SLC25A53: variants seen among roughly 807,000 people sequenced by gnomAD.
SLC25A53 encodes the protein solute carrier family 25 member 53.
A neutral mutation model predicts 15.0 loss-of-function variants in SLC25A53; 5 were observed. That is an observed-to-expected ratio of 0.33 (90% CI 0.17 to 0.70). SLC25A53 has a LOEUF of 0.70. Among genes scored for constraint, SLC25A53 ranks in the 30% least tolerant of loss-of-function variants. SLC25A53 has a pLI of 0.67. For missense variants in SLC25A53, 216 were observed against 241.6 expected (o/e 0.89, Z 0.70); for synonymous variants, 95 against 100.0 (o/e 0.95, Z 0.30).
At chrX:104,153,259 TA>T (rs1429667157) in intron 1 of SLC25A53, among the ~76,000 whole-genome samples, 2,332 of 51,958 alleles carry the variant, frequency 0.045, 72 homozygotes, top group African/African-American at 0.15. Flanking sequence ...TATATATATA[TA>T]TATTTTTTTT....
rs2075273168 is a variant in SLC25A53, at chrX:104,099,768, G to A, written c.*4566C>T. The A allele has an allele frequency of 8.9e-6, 1 of 111,952 alleles. No individual in the cohort carries two copies. Among genetic ancestry groups the A allele is most frequent in the Non-Finnish European group, 1.9e-5 (1 of 53,175 alleles). 9.2% of individuals were successfully genotyped at this position (111,952 alleles called of 1,213,427 possible). A position where few individuals can be genotyped will look rare whatever the true frequency, so the allele number is the denominator to read the frequency against. ...GGTGTCATCAGTGGTGGGGGGAGAA[G>A]AGTAGGTTATTAAAGGGCTCTATTT... On this transcript the variant is annotated 3_prime_UTR_variant, in exon 2 of 2. Coordinates refer to ENST00000594199, the MANE Select transcript of SLC25A53 (RefSeq NM_001012755.5).
chrX:104,122,317 G>GTTT (rs200042372), intron 1 of SLC25A53, among the ~76,000 whole-genome samples: 3 of 75,328 alleles, frequency 4.0e-5, no homozygotes, highest in Non-Finnish European at 7.3e-5. Flanking sequence ...TTTTTTTTTT[G>GTTT]TTTTTTTTTT....
intron 1 of SLC25A53, among the ~76,000 whole-genome samples, chrX:104,143,466 C>G (rs1428722991): frequency 9.0e-6 from 1 of 111,585 alleles, no homozygotes; most frequent in Non-Finnish European, 1.9e-5. Context: ...ACACAAGTTT[C>G]AATAGCCAAA....
rs1556353785 is a variant in SLC25A53 at position 104,103,592 on chromosome X, T to C, written c.*742A>G. 4.5e-5 allele frequency: 5 copies of C among 112,152 alleles called. No individual in the cohort carries two copies. Among genetic ancestry groups the C allele is most frequent in the Admixed American group, 3.8e-4 (4 of 10,581 alleles). The allele number at this position is 112,152 out of a possible 1,213,427, so 9.2% of individuals were successfully genotyped here. Reference sequence around the variant, plus strand: ...CTCAAACGGTTTCTAGGCAATGTTATCACCTTGCTCTCAGAAATGTCCTAG... The same window carrying C: ...CTCAAACGGTTTCTAGGCAATGTTACCACCTTGCTCTCAGAAATGTCCTAG... On this transcript the variant is annotated 3_prime_UTR_variant, in exon 2 of 2. Transcript: ENST00000594199.
intron 1 of SLC25A53, among the ~76,000 whole-genome samples, chrX:104,126,299 T>A (rs1366047332): frequency 9.1e-6 from 1 of 109,386 alleles, no homozygotes; most frequent in Non-Finnish European, 1.9e-5. Flanking sequence ...AAAGCACTTG[T>A]TAGGAGGAGA....
chrX:104,140,663 A>T (rs1205188543), intron 1 of SLC25A53, among the ~76,000 whole-genome samples: 3 of 111,562 alleles, frequency 2.7e-5, no homozygotes, highest in Non-Finnish European at 3.8e-5. Flanking sequence ...CAGTAGAGGA[A>T]ATTGGAAGTC....
In SLC25A53 at chrX:104,132,451, A is replaced by G. The variant is rs782227337; in HGVS notation, c.-32+24427T>C. On this transcript the variant is annotated intron_variant, in intron 1 of 1. Coordinates refer to ENST00000594199, the MANE Select transcript of SLC25A53 (RefSeq NM_001012755.5). ...AAAACTGCCTTTATCAAGCCTCATC[A>G]TCTGGATCTCACATCCAGATTGTGT... is the stretch of plus-strand genomic sequence containing the variant. Among the ~76,000 whole-genome samples, 4 of 112,229 alleles carry G rather than the reference A, an allele frequency of 3.6e-5. No individual in the cohort carries two copies. In the East Asian group the frequency reaches 1.1e-3, roughly 32 times the overall value.
intron 1 of SLC25A53, among the ~76,000 whole-genome samples, chrX:104,121,286 ATTT>A (rs2075392075): frequency 8.9e-6 from 1 of 112,219 alleles, no homozygotes; most frequent in Admixed American, 9.4e-5. Flanking sequence ...AAATCCAATT[ATTT>A]ACTTGTATCC....
At chrX:104,129,860 A>ATGTGTGTGTGTGTG (rs60729916) in intron 1 of SLC25A53, among the ~76,000 whole-genome samples, 13 of 89,982 alleles carry the variant, frequency 1.4e-4, no homozygotes, top group South Asian at 6.3e-4. Context: ...ACACAAATGT[A>ATGTGTGTGTGTGTG]TGTGTGTGTG....
chrX:104,156,904 C>T lies in SLC25A53; in HGVS notation c.-58G>A. On this transcript the variant is annotated 5_prime_UTR_variant, in exon 1 of 2. Transcript: ENST00000594199. The stretch of plus-strand genomic sequence containing the variant: ...TCCGCCTCGCTCGCTGTCATGGCGG[C>T]GACCGACGGCCCCTTTCCTGTGGCC... 8.8e-6 allele frequency: 1 copy of T among 113,918 alleles called. No homozygotes were observed. The highest frequency in any genetic ancestry group is 1.9e-5 in the Non-Finnish European group (1 of 53,509). 9.4% of individuals were successfully genotyped at this position (113,918 alleles called of 1,213,427 possible). A position where few individuals can be genotyped will look rare whatever the true frequency, so the allele number is the denominator to read the frequency against.
Position 104,100,457 on chromosome X carries a change from A to G in SLC25A53, c.*3877T>C, listed in dbSNP as rs1556352034. On this transcript the variant is annotated 3_prime_UTR_variant, in exon 2 of 2. Transcript: ENST00000594199. ...AATATCAGAAAACATAGCTCCATTA[A>G]CATCACTAAACTAAATATTAACATT... 1.8e-5 allele frequency: 2 copies of G among 111,896 alleles called. No individual in the cohort carries two copies. Among genetic ancestry groups the G allele is most frequent in the African/African-American group, 6.5e-5 (2 of 30,883 alleles). The allele number at this position is 111,896 out of a possible 1,213,427, so 9.2% of individuals were successfully genotyped here. A position where few individuals can be genotyped will look rare whatever the true frequency, so the allele number is the denominator to read the frequency against.
chrX:104,128,077 C>T (rs1229068455), intron 1 of SLC25A53, among the ~76,000 whole-genome samples: 1 of 111,921 alleles, frequency 8.9e-6, no homozygotes, highest in Non-Finnish European at 1.9e-5. Context: ...AGCTGTCTTC[C>T]GTGCACAGCT....
At chrX:104,105,984 T>A (rs1473676254) in intron 1 of SLC25A53, among the ~76,000 whole-genome samples, 1 of 111,938 alleles carries the variant, frequency 8.9e-6, no homozygotes, top group Non-Finnish European at 1.9e-5. Context: ...GCTATTGACA[T>A]TTTGGGCAGG....
chrX:104,153,056 G>A (rs1004113892), intron 1 of SLC25A53, among the ~76,000 whole-genome samples: 1 of 110,760 alleles, frequency 9.0e-6, no homozygotes, highest in Non-Finnish European at 1.9e-5. Flanking sequence ...TCTGTTTAGG[G>A]CCACCCCCTA....
At chrX:104,139,695 T>A (rs2075445932) in intron 1 of SLC25A53, among the ~76,000 whole-genome samples, 1 of 111,229 alleles carries the variant, frequency 9.0e-6, no homozygotes, top group African/African-American at 3.3e-5. Flanking sequence ...GTGCCTGTAC[T>A]CCCAGCTACT....
At position 104,150,100 on chromosome X, in the gene SLC25A53, G is replaced by A. The variant is rs181677199; in HGVS notation, c.-32+6778C>T. 8.3e-3 allele frequency among the ~76,000 whole-genome samples: 909 copies of A among 109,205 alleles called. 5 individuals are homozygous for A. Among genetic ancestry groups the A allele is most frequent in the African/African-American group, 0.029 (865 of 29,910 alleles). The allele number at this position is 109,205 out of a possible 115,157, so 94.8% of individuals were successfully genotyped here. ...ATACAAAAATTAGCCAGGTGTAGTG[G>A]CACACACCTGTAGTCCCAGCTACTT... On this transcript the variant is annotated intron_variant, in intron 1 of 1. Coordinates refer to ENST00000594199, the MANE Select transcript of SLC25A53 (RefSeq NM_001012755.5).
At chrX:104,123,020 AAATG>A (rs1264726958) in intron 1 of SLC25A53, among the ~76,000 whole-genome samples, 1 of 112,184 alleles carries the variant, frequency 8.9e-6, no homozygotes, top group Non-Finnish European at 1.9e-5. Context: ...GGTAAGAATT[AAATG>A]AATGAACACT....
intron 1 of SLC25A53, among the ~76,000 whole-genome samples, chrX:104,106,988 C>T (rs2075314370): frequency 1.9e-5 from 2 of 104,841 alleles, no homozygotes; most frequent in Admixed American, 2.0e-4. Context: ...ATCCATATCC[C>T]CACAATCTCA....
chrX:104,135,909 A>G (rs782585775), intron 1 of SLC25A53, among the ~76,000 whole-genome samples: 93 of 111,943 alleles, frequency 8.3e-4, no homozygotes, highest in South Asian at 5.2e-3. Context: ...ACATGATGCA[A>G]TAAGTCCTGT....
Sources: allele counts gnomAD v4.1 joint callset (sites outside exome capture counted in the v4.1 genomes callset), GRCh38; gene constraint gnomAD v4.1.1; transcripts MANE v1.5; gene names NCBI Gene and HGNC (gene_info 2026-07-23, HGNC 2026-07-21).